PIAS2: variants seen among roughly 807,000 people sequenced by gnomAD.
The protein encoded by PIAS2 is protein inhibitor of activated STAT 2, also known as E3 SUMO-protein ligase PIAS2.
In PIAS2, 19 loss-of-function variants were observed where a neutral mutation model predicts 69.7. That is an observed-to-expected ratio of 0.27 (90% confidence interval 0.19 to 0.40). PIAS2 has a LOEUF of 0.40. Ranked by LOEUF, PIAS2 falls within the 10% of genes least tolerant of loss-of-function variation. The probability of loss-of-function intolerance (pLI) is 1.00; values close to 1 mark genes in which losing one functional copy is unlikely to be tolerated. For missense variants in PIAS2, 624 were observed against 757.0 expected (o/e 0.82, Z 2.06); for synonymous variants, 261 against 263.2 (o/e 0.99, Z 0.08).
At chr18:46,826,895 C>T (rs2042916780) in intron 11 of PIAS2, 1 of 152,008 alleles carries the variant, frequency 6.6e-6, no homozygotes, top group Admixed American at 6.5e-5. Context: ...CAAAACAAGA[C>T]ATTTTATATA....
chr18:46,885,947 G>C (rs2053109444), intron 2 of PIAS2, among the ~76,000 whole-genome samples: 1 of 152,172 alleles, frequency 6.6e-6, no homozygotes, highest in African/African-American at 2.4e-5. Flanking sequence ...ACTTTACTGA[G>C]GTTAATAAAA....
intron 5 of PIAS2, among the ~76,000 whole-genome samples, chr18:46,854,681 GC>G (rs1429217164): frequency 1.3e-5 from 2 of 152,094 alleles, no homozygotes; most frequent in East Asian, 3.9e-4. Context: ...AGGTGCTGAA[GC>G]CCATATACTC....
At chr18:46,895,696 C>T (rs2054751831) in intron 1 of PIAS2, among the ~76,000 whole-genome samples, 1 of 152,056 alleles carries the variant, frequency 6.6e-6, no homozygotes, top group African/African-American at 2.4e-5. Flanking sequence ...TCATCTACAT[C>T]TTCATTTATA....
rs1486329745 is a variant in PIAS2, at chr18:46,917,497, G to A, written c.-152C>T. On this transcript the variant is annotated 5_prime_UTR_variant, in exon 1 of 14. Transcript: ENST00000585916. ...CCGCGGCCGCCGCCGCTACAGCCGG[G>A]CCCGTCACGTGAACGGCGCGGGAGC... is the stretch of plus-strand genomic sequence containing the variant. The A allele has an allele frequency of 6.7e-6, 8 of 1,192,660 alleles. No homozygotes were observed. Among genetic ancestry groups the A allele is most frequent in the Middle Eastern group, 3.0e-4 (1 of 3,358 alleles). The allele number at this position is 1,192,660 out of a possible 1,614,324, so 73.9% of individuals were successfully genotyped here.
chr18:46,891,204 C>T, intron 1 of PIAS2, 150 bp from the exon 2 acceptor site: 2 of 693,028 alleles, frequency 2.9e-6, no homozygotes, highest in Non-Finnish European at 5.2e-6. Context: ...AGAATCATTA[C>T]CATTCATAAG....
intron 1 of PIAS2, among the ~76,000 whole-genome samples, chr18:46,894,531 T>C (rs1272955799): frequency 1.3e-5 from 2 of 152,194 alleles, no homozygotes; most frequent in Middle Eastern, 3.2e-3. Context: ...AAAACTGTTA[T>C]TCCTACAGAC....
At chr18:46,872,040 A>T (rs2050434100) in intron 2 of PIAS2, among the ~76,000 whole-genome samples, 1 of 152,224 alleles carries the variant, frequency 6.6e-6, no homozygotes, top group African/African-American at 2.4e-5. Context: ...GAAGAAAGCA[A>T]TATCCCATTC....
At chr18:46,816,745 G>C (rs1008554772) in intron 12 of PIAS2, 1 of 963,144 alleles carries the variant, frequency 1.0e-6, no homozygotes, top group Non-Finnish European at 1.2e-6. Flanking sequence ...TGGGATTACA[G>C]ACATAAGCCA....
rs1807940655 is a variant in PIAS2 at position 46,812,224 on chromosome 18, G to C, written c.*209C>G. 2.2e-6 allele frequency: 1 copy of C among 463,102 alleles called. No individual in the cohort carries two copies. The allele number at this position is 463,102 out of a possible 1,614,324, so 28.7% of individuals were successfully genotyped here. ...TATGGTTGAATGTATCTGATGCTGAGAGTACAGCATAATTAAGAAAAATCC... is the reference window on the plus strand; with the variant it reads ...TATGGTTGAATGTATCTGATGCTGACAGTACAGCATAATTAAGAAAAATCC... On this transcript the variant is annotated 3_prime_UTR_variant, in exon 14 of 14. Transcript: ENST00000585916.
intron 9 of PIAS2, among the ~76,000 whole-genome samples, chr18:46,832,834 G>A (rs568227237): frequency 6.7e-6 from 1 of 148,918 alleles, no homozygotes; most frequent in South Asian, 2.1e-4. Context: ...GGGGGCTGCA[G>A]TGAGCCAAGA....
In PIAS2 at chr18:46,810,304, G is replaced by A. The variant is rs1458818772; in HGVS notation, c.*2129C>T. The A allele has an allele frequency of 2.0e-5, 3 of 152,058 alleles. No individual in the cohort carries two copies. The highest frequency in any genetic ancestry group is 2.9e-5 in the Non-Finnish European group (2 of 68,018). The allele number at this position is 152,058 out of a possible 1,614,324, so 9.4% of individuals were successfully genotyped here. A position where few individuals can be genotyped will look rare whatever the true frequency, so the allele number is the denominator to read the frequency against. On this transcript the variant is annotated 3_prime_UTR_variant, in exon 14 of 14. Coordinates refer to ENST00000585916, the MANE Select transcript of PIAS2 (RefSeq NM_004671.5). ...TTCATTTACTTTATAAAACTTTGTT[G>A]ATTAAATTGGGGGAGTCTCTGACAA...
intron 7 of PIAS2, 81 bp downstream of exon 7, chr18:46,844,653 A>G: frequency 2.1e-6 from 1 of 480,094 alleles, no homozygotes; most frequent in East Asian, 3.2e-5. Flanking sequence ...GATGTGAGCA[A>G]TATTTAAAGC....
At chr18:46,859,331 G>A (rs886891745) in intron 3 of PIAS2, among the ~76,000 whole-genome samples, 3 of 151,304 alleles carry the variant, frequency 2.0e-5, no homozygotes, top group Non-Finnish European at 2.9e-5. Flanking sequence ...AGGAGGCTGC[G>A]GCAGGAGAAT....
intron 10 of PIAS2, among the ~76,000 whole-genome samples, chr18:46,828,868 C>G (rs1053058726): frequency 6.6e-6 from 1 of 152,076 alleles, no homozygotes; most frequent in Non-Finnish European, 1.5e-5. Context: ...AATGGAAAAG[C>G]AACAGAAACT....
chr18:46,853,938 C>A (rs1424724298), intron 5 of PIAS2: 2 of 152,368 alleles, frequency 1.3e-5, no homozygotes, highest in East Asian at 3.8e-4. Context: ...TACTCAGCCT[C>A]TGCAATTCCC....
At chr18:46,816,093 T>G in intron 12 of PIAS2, 4 of 984,946 alleles carry the variant, frequency 4.1e-6, no homozygotes, top group Non-Finnish European at 4.8e-6. Context: ...CACCTAGACC[T>G]CCCTGTGTGA....
chr18:46,898,645 C>T (rs1166462023), intron 1 of PIAS2, among the ~76,000 whole-genome samples: 1 of 151,764 alleles, frequency 6.6e-6, no homozygotes, highest in Non-Finnish European at 1.5e-5. Context: ...ACATAAAATG[C>T]AAAAGAATAA....
intron 1 of PIAS2, among the ~76,000 whole-genome samples, chr18:46,900,214 A>T (rs115867632): frequency 0.019 from 2,940 of 152,164 alleles, 80 homozygotes; most frequent in African/African-American, 0.066. Flanking sequence ...AAAATAAAAA[A>T]TTAGCTGGGT....
chr18:46,816,623 C>A (rs920659991), intron 12 of PIAS2: 2 of 258,696 alleles, frequency 7.7e-6, no homozygotes, highest in Non-Finnish European at 1.2e-5. Flanking sequence ...CTATGCCCAG[C>A]TAATTATTAT....
Sources: allele counts gnomAD v4.1 joint callset (sites outside exome capture counted in the v4.1 genomes callset), GRCh38; gene constraint gnomAD v4.1.1; transcripts MANE v1.5; gene names NCBI Gene and HGNC (gene_info 2026-07-23, HGNC 2026-07-21).